The following MSI2 variants were observed in gnomAD, a reference collection of about 807,000 sequenced individuals.
MSI2 encodes RNA-binding protein Musashi homolog 2.
A neutral mutation model predicts 45.6 loss-of-function variants in MSI2; 17 were observed. The observed-to-expected ratio is 0.37, with a 90% CI of 0.26 to 0.56. The LOEUF (loss-of-function observed/expected upper bound fraction) is 0.56. Among genes scored for constraint, MSI2 ranks in the 20% least tolerant of loss-of-function variants. The pLI, the probability that MSI2 is intolerant of heterozygous loss-of-function variation, is 0.77. For missense variants in MSI2, 293 were observed against 444.2 expected, an observed-to-expected ratio of 0.66 and a Z score of 3.06; for synonymous variants, 156 against 158.2, an observed-to-expected ratio of 0.99 and a Z score of 0.11.
intron 6 of MSI2, among the ~76,000 whole-genome samples, chr17:57,505,893 T>C (rs2086217259): frequency 6.6e-6 from 1 of 152,230 alleles, no homozygotes; most frequent in Non-Finnish European, 1.5e-5. Flanking sequence ...GAGTTTTCCT[T>C]TGCAGGTAAA....
chr17:57,432,245 T>G (rs2143392102), intron 6 of MSI2, among the ~76,000 whole-genome samples: 1 of 152,296 alleles, frequency 6.6e-6, no homozygotes, highest in African/African-American at 2.4e-5. Context: ...AGAGGGTGTG[T>G]GAGGCCCCGA....
At chr17:57,508,403 C>T (rs903122193) in intron 6 of MSI2, among the ~76,000 whole-genome samples, 1 of 152,186 alleles carries the variant, frequency 6.6e-6, no homozygotes, top group Non-Finnish European at 1.5e-5. Flanking sequence ...AAAATCAACA[C>T]ATTTTCTTCA....
intron 6 of MSI2, among the ~76,000 whole-genome samples, chr17:57,500,362 G>T (rs77635539): frequency 1.3e-3 from 201 of 151,706 alleles, no homozygotes; most frequent in African/African-American, 4.8e-3. Flanking sequence ...CTATACCTCA[G>T]ATCTCTCTTC....
At chr17:57,290,874 G>A (rs559913060) in intron 5 of MSI2, among the ~76,000 whole-genome samples, 2 of 152,340 alleles carry the variant, frequency 1.3e-5, no homozygotes, top group South Asian at 4.1e-4. Context: ...GTCATCACAA[G>A]GAGAAGTGTC....
intron 6 of MSI2, among the ~76,000 whole-genome samples, chr17:57,505,528 A>G (rs2086207915): frequency 2.0e-5 from 3 of 152,346 alleles, no homozygotes; most frequent in South Asian, 4.1e-4. Flanking sequence ...ATTAACAAGG[A>G]AAAAGCTCAT....
intron 6 of MSI2, among the ~76,000 whole-genome samples, chr17:57,471,277 CTTTTT>C (rs529448901): frequency 6.0e-5 from 5 of 83,710 alleles, no homozygotes; most frequent in African/African-American, 2.0e-4. Flanking sequence ...TTATGGAGCA[CTTTTT>C]TTTTTTTTTT....
chr17:57,293,775 A>C (rs1467866186), intron 5 of MSI2, among the ~76,000 whole-genome samples: 1 of 151,224 alleles, frequency 6.6e-6, no homozygotes, highest in Non-Finnish European at 1.5e-5. Context: ...CACCCGGCTA[A>C]TTTTGTATTT....
chr17:57,502,630 T>TAG (rs1430250345), intron 6 of MSI2, among the ~76,000 whole-genome samples: 1 of 129,378 alleles, frequency 7.7e-6, no homozygotes, highest in Admixed American at 8.6e-5. Context: ...TATATATATA[T>TAG]ATATATAGTC....
chr17:57,506,038 T>A (rs975440014), intron 6 of MSI2, among the ~76,000 whole-genome samples: 2 of 152,174 alleles, frequency 1.3e-5, no homozygotes, highest in Non-Finnish European at 2.9e-5. Flanking sequence ...GGAAGCATCA[T>A]AATGTAATAC....
chr17:57,602,570 G>A (rs1906021245), intron 8 of MSI2, among the ~76,000 whole-genome samples: 1 of 152,070 alleles, frequency 6.6e-6, no homozygotes. Context: ...TGGCCAGGTG[G>A]TCTAGAACTC....
chr17:57,507,180 G>GT (rs2086248452), intron 6 of MSI2, among the ~76,000 whole-genome samples: 1 of 150,278 alleles, frequency 6.7e-6, no homozygotes, highest in South Asian at 2.1e-4. Context: ...TGTGTTGGGG[G>GT]GGGGGGGTGT....
chr17:57,677,090 C>T lies in MSI2; in HGVS notation c.*31+31C>T, dbSNP rs968732307. On this transcript the variant is annotated intron_variant, in intron 13 of 13. Coordinates refer to ENST00000284073, the MANE Select transcript of MSI2 (RefSeq NM_138962.4). ...ACCGTCTCTGCCATGTGTCTCTGCCCTGCCGGTGTGTCCGTACATGTATGT... is the reference window on the plus strand; with the variant it reads ...ACCGTCTCTGCCATGTGTCTCTGCCTTGCCGGTGTGTCCGTACATGTATGT... The T allele has an allele frequency of 4.0e-6, 6 of 1,510,184 alleles. No individual in the cohort carries two copies. In the African/African-American group the frequency reaches 8.2e-5, roughly 21 times the overall value. 93.5% of individuals were successfully genotyped at this position (1,510,184 alleles called of 1,614,324 possible).
At position 57,681,526 on chromosome 17, in the gene MSI2, A is replaced by G. The variant is rs1451574171; in HGVS notation, c.*2009A>G. The G allele has an allele frequency of 1.1e-5, 2 of 182,606 alleles. No homozygotes were observed. Among genetic ancestry groups the G allele is most frequent in the East Asian group, 1.8e-4 (2 of 11,204 alleles). The allele number at this position is 182,606 out of a possible 1,614,324, so 11.3% of individuals were successfully genotyped here. On this transcript the variant is annotated 3_prime_UTR_variant, in exon 14 of 14. Transcript: ENST00000284073. ...TAGACTAATGTAGACATTCACAGAC[A>G]TGGTAGGGCAAAAGCATCTTCAAAC...
At chr17:57,670,087 T>C (rs1912671458) in intron 11 of MSI2, among the ~76,000 whole-genome samples, 1 of 152,264 alleles carries the variant, frequency 6.6e-6, no homozygotes, top group African/African-American at 2.4e-5. Context: ...GAAAAGATTT[T>C]GTAAACATTT....
At chr17:57,305,100 C>T (rs756161617) in intron 5 of MSI2, among the ~76,000 whole-genome samples, 1 of 152,110 alleles carries the variant, frequency 6.6e-6, no homozygotes, top group Non-Finnish European at 1.5e-5. Flanking sequence ...AGGAGGTAGA[C>T]CAGATGCTTG....
At chr17:57,420,826 A>C (rs1333860092) in intron 6 of MSI2, among the ~76,000 whole-genome samples, 1 of 152,212 alleles carries the variant, frequency 6.6e-6, no homozygotes, top group African/African-American at 2.4e-5. Context: ...CTATCTGAAG[A>C]TAGTTGCCAA....
At chr17:57,408,104 C>T (rs868398666) in intron 6 of MSI2, among the ~76,000 whole-genome samples, 11 of 152,164 alleles carry the variant, frequency 7.2e-5, no homozygotes, top group Non-Finnish European at 8.8e-5. Flanking sequence ...ACTTTTCCTC[C>T]ATAGACTGAT....
chr17:57,265,236 T>G (rs1445130426), intron 5 of MSI2: 1 of 152,176 alleles, frequency 6.6e-6, no homozygotes, highest in Non-Finnish European at 1.5e-5. Flanking sequence ...TCAATAAAAC[T>G]TCTGTGTTTT....
intron 7 of MSI2, among the ~76,000 whole-genome samples, chr17:57,561,336 C>T (rs1392243074): frequency 6.6e-6 from 1 of 152,162 alleles, no homozygotes; most frequent in Non-Finnish European, 1.5e-5. Flanking sequence ...ACCCATGTCT[C>T]AGTCCCTGAG....
Sources: gnomAD v4.1 joint callset for allele counts (sites outside exome capture counted in the v4.1 genomes callset) on GRCh38, gnomAD v4.1.1 for gene constraint, MANE v1.5 for transcripts, NCBI Gene and HGNC (gene_info 2026-07-23, HGNC 2026-07-21) for gene names.